TTC39B: variants seen among roughly 807,000 people sequenced by gnomAD.
TTC39B encodes tetratricopeptide repeat protein 39B.
A neutral mutation model predicts 96.6 loss-of-function variants in TTC39B; 92 were observed. That is an observed-to-expected ratio of 0.95 (90% confidence interval 0.80 to 1.13). TTC39B has a LOEUF of 1.13. Among genes scored for constraint, TTC39B ranks in the 50% most tolerant of loss-of-function variants. The pLI is 0.00. For synonymous variants in TTC39B, 367 were observed against 299.4 expected (o/e 1.23, Z -2.33); for missense variants, 955 against 809.3 (o/e 1.18, Z -2.18).
At chr9:15,270,970 T>C (rs115234775) in intron 1 of TTC39B, among the ~76,000 whole-genome samples, 3,993 of 152,218 alleles carry the variant, frequency 0.026, 177 homozygotes, top group African/African-American at 0.091. Context: ...CAAAAGCTAT[T>C]TCATGTGTTC....
intron 1 of TTC39B, among the ~76,000 whole-genome samples, chr9:15,273,283 A>T (rs540990779): frequency 1.0e-3 from 159 of 152,256 alleles, no homozygotes; most frequent in Non-Finnish European, 1.6e-3. Flanking sequence ...AAATAGATTT[A>T]CAAATTTTTC....
chr9:15,173,133 T>A (rs1166395036), intron 19 of TTC39B, among the ~76,000 whole-genome samples: 2 of 152,182 alleles, frequency 1.3e-5, no homozygotes, highest in Non-Finnish European at 2.9e-5. Context: ...TCTTATAAAG[T>A]TGCCTTATTA....
At chr9:15,295,958 C>T (rs558826386) in intron 1 of TTC39B, among the ~76,000 whole-genome samples, 2 of 152,278 alleles carry the variant, frequency 1.3e-5, no homozygotes, top group African/African-American at 4.8e-5. Context: ...TGAGGACTCT[C>T]CCTCTCTGTC....
exon 20 of TTC39B, chr9:15,169,777 A>C (rs1817594156): frequency 6.6e-6 from 1 of 152,226 alleles, no homozygotes; most frequent in South Asian, 2.1e-4. Flanking sequence ...TATAAATAAC[A>C]AAAAAGATTT....
chr9:15,224,911 C>T (rs1408927696), intron 3 of TTC39B, among the ~76,000 whole-genome samples: 2 of 152,154 alleles, frequency 1.3e-5, no homozygotes, highest in African/African-American at 4.8e-5. Context: ...AACTACCAAA[C>T]CCATGAGTAT....
At chr9:15,222,313 T>C (rs986434613) in intron 3 of TTC39B, among the ~76,000 whole-genome samples, 6 of 152,170 alleles carry the variant, frequency 3.9e-5, no homozygotes, top group African/African-American at 1.4e-4. Flanking sequence ...AAAATTATCA[T>C]CTTAACCATT....
intron 18 of TTC39B, among the ~76,000 whole-genome samples, chr9:15,176,387 C>T (rs539548412): frequency 6.6e-6 from 1 of 152,166 alleles, no homozygotes; most frequent in Non-Finnish European, 1.5e-5. Flanking sequence ...AACATGTTTA[C>T]TAATTACAGA....
intron 3 of TTC39B, among the ~76,000 whole-genome samples, chr9:15,215,182 T>A (rs919828241): frequency 1.3e-5 from 2 of 152,104 alleles, no homozygotes; most frequent in Admixed American, 6.5e-5. Flanking sequence ...GCTCAGGAGT[T>A]TGTGGCTGTA....
chr9:15,189,179 T>A (rs138952193), intron 13 of TTC39B, among the ~76,000 whole-genome samples: 91 of 152,336 alleles, frequency 6.0e-4, no homozygotes, highest in Middle Eastern at 3.4e-3. Flanking sequence ...GGGAATTCGT[T>A]TTTTGAGGGG....
chr9:15,251,699 A>G (rs914723430), intron 2 of TTC39B, among the ~76,000 whole-genome samples: 1 of 83,748 alleles, frequency 1.2e-5, no homozygotes, highest in African/African-American at 6.0e-5. Context: ...ACATACATAT[A>G]CATATATATA....
chr9:15,169,499 A>G (rs566735024), exon 20 of TTC39B: 2 of 152,320 alleles, frequency 1.3e-5, no homozygotes, highest in South Asian at 4.2e-4. Context: ...GTCAGACACA[A>G]TGGCAACCCA....
chr9:15,233,585 T>C (rs1257178926), intron 2 of TTC39B, among the ~76,000 whole-genome samples: 2 of 151,570 alleles, frequency 1.3e-5, no homozygotes, highest in Admixed American at 1.3e-4. Context: ...CTCCAGCTCC[T>C]AACCGCCAGT....
At chr9:15,205,562 T>C (rs919240415) in intron 6 of TTC39B, among the ~76,000 whole-genome samples, 1 of 152,192 alleles carries the variant, frequency 6.6e-6, no homozygotes, top group Non-Finnish European at 1.5e-5. Context: ...CTTGAGGAGT[T>C]AGAGCCTGCA....
At chr9:15,258,150 G>A (rs1822823689) in intron 2 of TTC39B, among the ~76,000 whole-genome samples, 1 of 152,108 alleles carries the variant, frequency 6.6e-6, no homozygotes, top group Non-Finnish European at 1.5e-5. Flanking sequence ...AAAAGAAGCG[G>A]GAACACACAT....
At chr9:15,235,796 C>T (rs1213928220) in intron 2 of TTC39B, among the ~76,000 whole-genome samples, 1 of 152,182 alleles carries the variant, frequency 6.6e-6, no homozygotes, top group Non-Finnish European at 1.5e-5. Context: ...ACCTATCCTA[C>T]AAGAAATGCT....
intron 1 of TTC39B, among the ~76,000 whole-genome samples, chr9:15,287,476 G>A (rs1824015496): frequency 1.3e-5 from 2 of 152,314 alleles, no homozygotes; most frequent in Admixed American, 1.3e-4. Context: ...AAAGAGATAA[G>A]AGTTCATTAG....
chr9:15,219,583 C>T (rs1344625707), intron 3 of TTC39B, among the ~76,000 whole-genome samples: 1 of 152,182 alleles, frequency 6.6e-6, no homozygotes, highest in Non-Finnish European at 1.5e-5. Context: ...AGGTGCCCTC[C>T]CTGTACCCTG....
chr9:15,256,821 G>T (rs929161290), intron 2 of TTC39B, among the ~76,000 whole-genome samples: 1 of 152,166 alleles, frequency 6.6e-6, no homozygotes, highest in Non-Finnish European at 1.5e-5. Context: ...GGTCATGCAT[G>T]AGGGCAAGAG....
chr9:15,251,694 C>CATATATATAT (rs59081141), intron 2 of TTC39B, among the ~76,000 whole-genome samples: 3 of 61,830 alleles, frequency 4.9e-5, no homozygotes, highest in African/African-American at 6.4e-5. Flanking sequence ...CACACACATA[C>CATATATATAT]ATATACATAT....
Sources: allele counts gnomAD v4.1 joint callset (sites outside exome capture counted in the v4.1 genomes callset), GRCh38; gene constraint gnomAD v4.1.1; transcripts MANE v1.5; gene names NCBI Gene and HGNC (gene_info 2026-07-23, HGNC 2026-07-21).